The following VCPIP1 variants were observed in gnomAD, a reference collection of about 807,000 sequenced individuals.
VCPIP1 encodes the protein deubiquitinating protein VCPIP1.
Under a neutral mutation model 85.0 loss-of-function variants are expected in VCPIP1, and 8 were observed. The observed-to-expected ratio is 0.09, with a 90% confidence interval of 0.06 to 0.17. The LOEUF is 0.17. Among genes scored for constraint, VCPIP1 ranks in the 10% least tolerant of loss-of-function variants. The pLI, the probability that VCPIP1 is intolerant of heterozygous loss-of-function variation, is 1.00. For synonymous variants in VCPIP1, 543 were observed against 544.5 expected (o/e 1.00, Z 0.04); for missense variants, 1,070 against 1,486.3 (o/e 0.72, Z 4.61).
At position 66,666,032 on chromosome 8, in the gene VCPIP1, G is replaced by A. The variant is rs1314173108; in HGVS notation, c.927C>T (p.Leu309=). 6.2e-7 allele frequency: 1 copy of A among 1,614,150 alleles called. No homozygotes were observed. Among genetic ancestry groups the A allele is most frequent in the Admixed American group, 1.7e-5 (1 of 60,016 alleles). Residue 309 remains leucine (L), a synonymous_variant, in exon 1 of 3, where the codon CTC becomes CTT. Coordinates refer to ENST00000310421, the MANE Select transcript of VCPIP1 (RefSeq NM_025054.5). The surrounding 1 kb of genome is among the most constrained non-coding windows in gnomAD (Gnocchi z 6.3). ...LHRPIILLDS[L]SGMRSSGDYS... is the part of the protein sequence containing the mutation. ...AATCACCAGAGCTTCTCATGCCACT[G>A]AGGGAATCTAACAGAATAATAGGAC... is the stretch of plus-strand genomic sequence containing the variant.
chr8:66,649,466 A>G (rs77077657), intron 2 of VCPIP1, among the ~76,000 whole-genome samples: 4,011 of 152,272 alleles, frequency 0.026, 187 homozygotes, highest in African/African-American at 0.09. Context: ...CTATAACTGC[A>G]CCACAGCACT....
chr8:66,660,904 G>A (rs982930073), intron 1 of VCPIP1, among the ~76,000 whole-genome samples: 35 of 152,216 alleles, frequency 2.3e-4, no homozygotes, highest in Admixed American at 2.2e-3. Context: ...TTAGCTGGGT[G>A]TGGTGGCACG....
In VCPIP1 at chr8:66,664,698, C is replaced by T. The variant is rs767620634; in HGVS notation, c.2261G>A (p.Gly754Asp). The T allele has an allele frequency of 6.2e-7, 1 of 1,613,626 alleles. No individual in the cohort carries two copies. Among genetic ancestry groups the T allele is most frequent in the Non-Finnish European group, 8.5e-7 (1 of 1,179,838 alleles). The change falls in exon 1 of 3, where the codon GGT becomes GAT. Residue 754 changes from glycine (G) to aspartate (D), a missense_variant. This residue lies in a region of VCPIP1 where 278 missense variants were observed against 298.5 expected (regional missense o/e 0.93). Transcript: ENST00000310421. Reference sequence around the variant, plus strand: ...AGGTGTAGCAGGTGCAGAGGATGGACCATCACGAATGGTACTGGGAGAAAC... The same window carrying T: ...AGGTGTAGCAGGTGCAGAGGATGGATCATCACGAATGGTACTGGGAGAAAC... Reference protein sequence around the residue: ...RTVSPSTIRDGPSSAPATPTK... With the variant: ...RTVSPSTIRDDPSSAPATPTK...
Position 66,667,108 on chromosome 8 carries a change from G to C in VCPIP1, c.-150C>G. The C allele has an allele frequency of 7.2e-7, 1 of 1,394,520 alleles. No homozygotes were observed. Among genetic ancestry groups the C allele is most frequent in the African/African-American group, 1.4e-5 (1 of 69,194 alleles). The allele number at this position is 1,394,520 out of a possible 1,614,324, so 86.4% of individuals were successfully genotyped here. On this transcript the variant is annotated 5_prime_UTR_variant, in exon 1 of 3. Coordinates refer to ENST00000310421, the MANE Select transcript of VCPIP1 (RefSeq NM_025054.5). ...GCTCTTCCTCCTCCTAAGCGAAGGC[G>C]GAAGCGCCGGACGTTGTTTCTCTTC...
rs1306143631 is a variant in VCPIP1, at chr8:66,630,375, T to C, written c.*4126A>G. The stretch of plus-strand genomic sequence containing the variant: ...CTAAGTATCATTTCCCTCCAAAAAG[T>C]AGACTTTCCAGTTCTTGGCACTAAT... On this transcript the variant is annotated 3_prime_UTR_variant, in exon 3 of 3. Coordinates refer to ENST00000310421, the MANE Select transcript of VCPIP1 (RefSeq NM_025054.5). The C allele has an allele frequency of 1.3e-5, 2 of 152,580 alleles. No homozygotes were observed. Among genetic ancestry groups the C allele is most frequent in the African/African-American group, 4.8e-5 (2 of 41,458 alleles). The allele number at this position is 152,580 out of a possible 1,614,324, so 9.5% of individuals were successfully genotyped here.
In VCPIP1 at chr8:66,665,082, G is replaced by A. The variant is rs1431183923; in HGVS notation, c.1877C>T (p.Ala626Val). Residue 626 changes from alanine (A) to valine (V), a missense_variant, in exon 1 of 3, where the codon GCA becomes GTA. Transcript: ENST00000310421. The surrounding 1 kb of genome is among the most constrained non-coding windows in gnomAD (Gnocchi z 4.3). Reference sequence around the variant, plus strand: ...AAAGTGCTTGGTAACAAGTTTCATTGCAACATCGTAAACATTACTATTCAA... The same window carrying A: ...AAAGTGCTTGGTAACAAGTTTCATTACAACATCGTAAACATTACTATTCAA... ...SSLNSNVYDV[A>V]MKLVTKHFPG... The A allele has an allele frequency of 3.1e-6, 5 of 1,613,854 alleles. No individual in the cohort carries two copies. The highest frequency in any genetic ancestry group is 1.7e-5 in the Admixed American group (1 of 59,954).
intron 1 of VCPIP1, among the ~76,000 whole-genome samples, chr8:66,652,764 C>T (rs920507347): frequency 4.6e-5 from 7 of 152,032 alleles, no homozygotes; most frequent in Non-Finnish European, 1.0e-4. Context: ...ATGATCATCA[C>T]TGTTGAAGAA....
chr8:66,662,069 GATC>G (rs1156384536), intron 1 of VCPIP1, among the ~76,000 whole-genome samples: 1 of 151,912 alleles, frequency 6.6e-6, no homozygotes, highest in Non-Finnish European at 1.5e-5. Flanking sequence ...GACTGGCTCT[GATC>G]ATATTTTTAA....
intron 1 of VCPIP1, among the ~76,000 whole-genome samples, chr8:66,663,612 C>T (rs2130184052): frequency 6.6e-6 from 1 of 151,910 alleles, no homozygotes; most frequent in East Asian, 1.9e-4. Context: ...ACACCATTAC[C>T]ATCCATCTCT....
chr8:66,637,125 CAACA>C (rs1459417256), intron 2 of VCPIP1, among the ~76,000 whole-genome samples: 3 of 151,304 alleles, frequency 2.0e-5, no homozygotes, highest in South Asian at 2.1e-4. Context: ...AGTTTGTTTC[CAACA>C]AACAAAGGCT....
chr8:66,635,727 C>T (rs1425967644), intron 2 of VCPIP1, among the ~76,000 whole-genome samples: 4 of 147,830 alleles, frequency 2.7e-5, no homozygotes, highest in African/African-American at 1.0e-4. Flanking sequence ...GCCTGGCCAA[C>T]GTGGTGAAAC....
intron 1 of VCPIP1, among the ~76,000 whole-genome samples, chr8:66,652,387 G>A (rs1811062840): frequency 6.6e-6 from 1 of 152,200 alleles, no homozygotes; most frequent in South Asian, 2.1e-4. Context: ...GCCCAGGCAG[G>A]CAGATCACCT....
chr8:66,650,144 C>T (rs1006370119), intron 2 of VCPIP1, among the ~76,000 whole-genome samples: 2 of 151,390 alleles, frequency 1.3e-5, no homozygotes, highest in South Asian at 2.1e-4. Context: ...GAAATATGTA[C>T]CAATGTACTT....
At chr8:66,643,797 G>A (rs1162507591) in intron 2 of VCPIP1, among the ~76,000 whole-genome samples, 1 of 141,538 alleles carries the variant, frequency 7.1e-6, no homozygotes, top group Non-Finnish European at 1.5e-5. Flanking sequence ...AGAAATCAAT[G>A]AAACTGAAAT....
chr8:66,638,585 C>A (rs1810912682), intron 2 of VCPIP1, among the ~76,000 whole-genome samples: 3 of 151,894 alleles, frequency 2.0e-5, no homozygotes, highest in African/African-American at 7.3e-5. Flanking sequence ...CAAGACCATC[C>A]TGGCTAACAC....
intron 1 of VCPIP1, among the ~76,000 whole-genome samples, chr8:66,656,082 A>G (rs966866306): frequency 6.6e-6 from 1 of 152,090 alleles, no homozygotes; most frequent in Non-Finnish European, 1.5e-5. Context: ...GTTAAAATAC[A>G]TTTTTTAAAA....
intron 2 of VCPIP1, among the ~76,000 whole-genome samples, chr8:66,637,506 A>G (rs1810900478): frequency 6.8e-6 from 1 of 146,060 alleles, no homozygotes; most frequent in South Asian, 2.2e-4. Context: ...AAAAAAAGAT[A>G]TACTTTAAAT....
At position 66,666,451 on chromosome 8, in the gene VCPIP1, T is replaced by C; in HGVS notation, c.508A>G (p.Ile170Val). Residue 170 changes from isoleucine (I) to valine (V), a missense_variant, in exon 1 of 3, where the codon ATA becomes GTA. This residue lies in a region of VCPIP1 where 118 missense variants were observed against 337.1 expected (regional missense o/e 0.35). Coordinates refer to ENST00000310421, the MANE Select transcript of VCPIP1 (RefSeq NM_025054.5). This position sits in a 1 kb window ranked among gnomAD's most constrained non-coding sequence, Gnocchi z 6.3. ...CALLGDRAFLIEPEHVNTVGY... is the reference protein window; with the variant it reads ...CALLGDRAFLVEPEHVNTVGY... Reference sequence around the variant, plus strand: ...ACAGTGTTAACATGCTCTGGTTCTATGAGGAAGGCGCGGTCACCCAGTAAG... The same window carrying C: ...ACAGTGTTAACATGCTCTGGTTCTACGAGGAAGGCGCGGTCACCCAGTAAG... 6.2e-7 allele frequency: 1 copy of C among 1,614,184 alleles called. No homozygotes were observed. Among genetic ancestry groups the C allele is most frequent in the African/African-American group, 1.3e-5 (1 of 75,040 alleles).
rs57563619 is a variant in VCPIP1, at chr8:66,639,321, C to CTTTT, written c.2798-3953_2798-3950dup. Reference sequence around the variant, plus strand: ...ATATTTTAAGCCAATTAATTTTATTCTTTTTTTTTTTTTTTTTTTTTTTTT... The same window carrying CTTTT: ...ATATTTTAAGCCAATTAATTTTATTCTTTTTTTTTTTTTTTTTTTTTTTTTTTTT... On this transcript the variant is annotated intron_variant, in intron 2 of 2. Coordinates refer to ENST00000310421, the MANE Select transcript of VCPIP1 (RefSeq NM_025054.5). Among the ~76,000 whole-genome samples, 29 of 67,814 alleles carry CTTTT rather than the reference C, an allele frequency of 4.3e-4. 2 individuals carry two copies. The highest frequency in any genetic ancestry group is 2.6e-3 in the East Asian group (5 of 1,892). 44.5% of individuals were successfully genotyped at this position (67,814 alleles called of 152,430 possible). A position where few individuals can be genotyped will look rare whatever the true frequency, so the allele number is the denominator to read the frequency against.
Sources: gnomAD v4.1 joint callset for allele counts (sites outside exome capture counted in the v4.1 genomes callset) on GRCh38, gnomAD v4.1.1 for gene constraint, gnomAD v4.1.1 regional missense constraint, Gnocchi (gnomAD v3.1) non-coding constraint, MANE v1.5 for transcripts, NCBI Gene and HGNC (gene_info 2026-07-23, HGNC 2026-07-21) for gene names.